The following TFDP2 variants were observed in gnomAD, a reference collection of about 807,000 sequenced individuals.
The protein encoded by TFDP2 is transcription factor Dp-2.
Under a neutral mutation model 59.3 loss-of-function variants are expected in TFDP2, and 17 were observed. The observed-to-expected ratio is 0.29, with a 90% confidence interval of 0.20 to 0.43. TFDP2 has a LOEUF of 0.43. Ranked by LOEUF, TFDP2 falls within the 20% of genes least tolerant of loss-of-function variation. The pLI, the probability that TFDP2 is intolerant of heterozygous loss-of-function variation, is 1.00. For missense variants in TFDP2, 391 were observed against 528.8 expected, an observed-to-expected ratio of 0.74 and a Z score of 2.56; for synonymous variants, 180 against 194.7, an observed-to-expected ratio of 0.92 and a Z score of 0.63.
chr3:142,129,603 C>T (rs2062416110), intron 1 of TFDP2, among the ~76,000 whole-genome samples: 1 of 151,936 alleles, frequency 6.6e-6, no homozygotes, highest in South Asian at 2.1e-4. Flanking sequence ...TATAATGCAA[C>T]AATTTTTAAA....
At chr3:141,996,709 AC>A (rs1943303866) in intron 4 of TFDP2, among the ~76,000 whole-genome samples, 1 of 152,188 alleles carries the variant, frequency 6.6e-6, no homozygotes, top group Non-Finnish European at 1.5e-5. Context: ...AATAGTTCAG[AC>A]CTAGTTATTA....
intron 11 of TFDP2, among the ~76,000 whole-genome samples, chr3:141,956,943 C>G (rs963744194): frequency 1.3e-5 from 2 of 150,598 alleles, no homozygotes; most frequent in Non-Finnish European, 3.0e-5. Flanking sequence ...CTGCCCCACC[C>G]CCCCCACAAA....
chr3:142,019,149 C>T (rs1179598104), intron 3 of TFDP2, among the ~76,000 whole-genome samples: 2 of 151,814 alleles, frequency 1.3e-5, no homozygotes, highest in African/African-American at 4.8e-5. Flanking sequence ...ACCGCATCCT[C>T]CGCCTCCCAG....
intron 1 of TFDP2, among the ~76,000 whole-genome samples, chr3:142,120,805 T>C (rs191174806): frequency 1.2e-4 from 19 of 152,262 alleles, no homozygotes; most frequent in African/African-American, 4.3e-4. Context: ...GCAGCTGCAG[T>C]GATGGGAACA....
chr3:142,026,603 C>T (rs972694853), intron 3 of TFDP2, among the ~76,000 whole-genome samples: 2 of 152,166 alleles, frequency 1.3e-5, no homozygotes, highest in African/African-American at 4.8e-5. Context: ...AGAGCTGGTG[C>T]TCAGCACTGA....
chr3:141,993,445 GA>G, intron 6 of TFDP2, 92 bp downstream of exon 6: 4 of 738,594 alleles, frequency 5.4e-6, no homozygotes, highest in Non-Finnish European at 8.7e-6. Context: ...GTTACATGAA[GA>G]AAAACATCGC....
chr3:142,077,789 A>G (rs1158460184), intron 3 of TFDP2, among the ~76,000 whole-genome samples: 1 of 152,126 alleles, frequency 6.6e-6, no homozygotes, highest in African/African-American at 2.4e-5. Flanking sequence ...CTGTTTGAGA[A>G]AAGCAGAGGG....
chr3:141,959,972 G>C, intron 10 of TFDP2, 132 bp from the exon 11 acceptor site: 3 of 771,696 alleles, frequency 3.9e-6, no homozygotes, highest in Non-Finnish European at 6.1e-6. Flanking sequence ...ACCATTTAGA[G>C]AGCCATGAGT....
At chr3:141,967,221 T>A (rs1938232477) in intron 9 of TFDP2, among the ~76,000 whole-genome samples, 1 of 151,790 alleles carries the variant, frequency 6.6e-6, no homozygotes, top group Non-Finnish European at 1.5e-5. Flanking sequence ...GGCTGCTTAA[T>A]TTACTTTCTA....
rs145523054 is a variant in TFDP2, at chr3:142,040,900, TA to T, written c.83-35357del. ...GCCTGGATGACAGAGCAAGACCTTT[TA>T]AAAAAAAAAGATAATCAAGACTCTA... On this transcript the variant is annotated intron_variant, in intron 3 of 12. Coordinates refer to ENST00000489671, the MANE Select transcript of TFDP2 (RefSeq NM_001178139.2). Among the ~76,000 whole-genome samples the T allele has an allele frequency of 3.3e-5, 5 of 149,694 alleles. No homozygotes were observed. The South Asian group carries it at 6.3e-4, about 19-fold the overall frequency.
chr3:142,034,951 C>A (rs1560069378), intron 3 of TFDP2, among the ~76,000 whole-genome samples: 1 of 152,182 alleles, frequency 6.6e-6, no homozygotes, highest in East Asian at 1.9e-4. Flanking sequence ...CGTGATCCGC[C>A]TGCCTTGGCC....
chr3:142,114,560 A>G (rs2061783497), intron 1 of TFDP2, among the ~76,000 whole-genome samples: 1 of 152,128 alleles, frequency 6.6e-6, no homozygotes, highest in Admixed American at 6.6e-5. Flanking sequence ...ACTCCACAGG[A>G]TATGATGGAG....
chr3:142,000,053 A>G (rs1033044059), intron 4 of TFDP2, among the ~76,000 whole-genome samples: 1 of 152,222 alleles, frequency 6.6e-6, no homozygotes, highest in Admixed American at 6.5e-5. Flanking sequence ...GAATTCTTTA[A>G]CTAAACAAAA....
intron 1 of TFDP2, among the ~76,000 whole-genome samples, chr3:142,141,816 C>CT (rs2062973772): frequency 6.6e-6 from 1 of 151,136 alleles, no homozygotes; most frequent in South Asian, 2.1e-4. Context: ...GAGCAAGACT[C>CT]TGTCTCAAGA....
intron 3 of TFDP2, among the ~76,000 whole-genome samples, chr3:142,050,406 C>T (rs1015833666): frequency 1.3e-5 from 2 of 152,004 alleles, no homozygotes; most frequent in African/African-American, 4.8e-5. Flanking sequence ...TTTCTATATG[C>T]TCCCAGTGGC....
At position 142,025,276 on chromosome 3, in the gene TFDP2, A is replaced by G. The variant is rs184155328; in HGVS notation, c.83-19732T>C. Among the ~76,000 whole-genome samples the G allele has an allele frequency of 1.9e-3, 283 of 152,334 alleles. 1 individual carries two copies. The highest frequency in any genetic ancestry group is 6.4e-3 in the African/African-American group (265 of 41,574). On this transcript the variant is annotated intron_variant, in intron 3 of 12. Transcript: ENST00000489671. ...CTATGTTCTATACTCCATATATGCT[A>G]AAACTAATGTGCTCTTCTCAACCAT...
At chr3:141,995,675 C>T (rs1205822835) in intron 4 of TFDP2, among the ~76,000 whole-genome samples, 4 of 151,868 alleles carry the variant, frequency 2.6e-5, no homozygotes, top group Non-Finnish European at 5.9e-5. Context: ...CCTGAGGTCA[C>T]GAGTTCAAGA....
rs1191794276 is a variant in TFDP2, at chr3:142,093,104, T to C, written c.39A>G (p.Ala13=). Residue 13 remains alanine, a synonymous_variant, in exon 3 of 13, where the codon GCA becomes GCG. Transcript: ENST00000489671. ...TCTGATCTATAAATCCTCTTACTTC[T>C]GCATTTGTGGAAGTCAAACCAACCT... is the stretch of plus-strand genomic sequence containing the variant. The part of the protein sequence containing the change: ...AKNVGLTSTN[A]EVRGFIDQNL... The C allele has an allele frequency of 1.3e-6, 2 of 1,542,048 alleles. No homozygotes were observed. Among genetic ancestry groups the C allele is most frequent in the Non-Finnish European group, 1.7e-6 (2 of 1,150,042 alleles).
intron 3 of TFDP2, among the ~76,000 whole-genome samples, chr3:142,084,272 T>G (rs1229410810): frequency 6.6e-6 from 1 of 152,128 alleles, no homozygotes; most frequent in Non-Finnish European, 1.5e-5. Context: ...AAAACTACAA[T>G]GAGATATCAT....
Sources: allele counts gnomAD v4.1 joint callset (sites outside exome capture counted in the v4.1 genomes callset), GRCh38; gene constraint gnomAD v4.1.1; transcripts MANE v1.5; gene names NCBI Gene and HGNC (gene_info 2026-07-23, HGNC 2026-07-21).